TTLL2: variants seen among roughly 807,000 people sequenced by gnomAD.
The protein encoded by TTLL2 is probable tubulin polyglutamylase TTLL2.
TTLL2 carries 10 observed loss-of-function variants against 7.5 expected under a neutral mutation model. The ratio of observed to expected loss-of-function variants is 1.33; its 90% CI spans 0.82 to 2.25. The LOEUF is 2.25. Ranked by LOEUF, TTLL2 falls within the 30% of genes most tolerant of loss-of-function variation. The pLI is 0.00. For synonymous variants in TTLL2, 284 were observed against 280.3 expected (o/e 1.01, Z -0.13); for missense variants, 733 against 735.7 (o/e 1.00, Z 0.04).
At chr6:167,330,631 G>A (rs1562370091) in intron 1 of TTLL2, among the ~76,000 whole-genome samples, 1 of 152,104 alleles carries the variant, frequency 6.6e-6, no homozygotes, top group Non-Finnish European at 1.5e-5. Context: ...TTAATGTAAA[G>A]GAAAAGATCT....
At chr6:167,331,211 T>C (rs58659357) in intron 1 of TTLL2, among the ~76,000 whole-genome samples, 3,231 of 152,316 alleles carry the variant, frequency 0.021, 130 homozygotes, top group African/African-American at 0.074. Context: ...ATCAGAGTAA[T>C]TAGCATATCT....
At chr6:167,335,475 A>G (rs1778973004) in intron 1 of TTLL2, among the ~76,000 whole-genome samples, 1 of 145,598 alleles carries the variant, frequency 6.9e-6, no homozygotes, top group Non-Finnish European at 1.5e-5. Context: ...TACTGGGTAT[A>G]TACCCAAATG....
At position 167,325,135 on chromosome 6, in the gene TTLL2, A is replaced by T; in HGVS notation, c.-39A>T. The stretch of plus-strand genomic sequence containing the variant: ...TTTCAGCTGGCGCTGCAGCTGCTGC[A>T]CAGAGACCCACAGAGGCCACCCTCG... On this transcript the variant is annotated 5_prime_UTR_variant, in exon 1 of 3. Transcript: ENST00000239587. 1.3e-6 allele frequency: 2 copies of T among 1,560,428 alleles called. No individual in the cohort carries two copies. Among genetic ancestry groups the T allele is most frequent in the Non-Finnish European group, 1.7e-6 (2 of 1,153,774 alleles).
In TTLL2 at chr6:167,341,859, A is replaced by AAGT; in HGVS notation, c.*181_*183dup. On this transcript the variant is annotated 3_prime_UTR_variant, in exon 3 of 3. Transcript: ENST00000239587. ...AGCTCTGACAAAGCACAATATGTTC[A>AAGT]AGTGGTGATTAAACTACATTACATC... The AAGT allele has an allele frequency of 1.5e-6, 1 of 664,676 alleles. No homozygotes were observed. The highest frequency in any genetic ancestry group is 2.1e-5 in the South Asian group (1 of 46,534). The allele number at this position is 664,676 out of a possible 1,614,324, so 41.2% of individuals were successfully genotyped here.
chr6:167,341,196 T>C lies in TTLL2; in HGVS notation c.1296T>C (p.His432=), dbSNP rs1779088106. The C allele has an allele frequency of 6.2e-7, 1 of 1,613,510 alleles. No homozygotes were observed. Among genetic ancestry groups the C allele is most frequent in the Admixed American group, 1.7e-5 (1 of 59,934 alleles). The change falls in exon 3 of 3, where the codon CAT becomes CAC. Residue 432 remains histidine (H), a synonymous_variant. Coordinates refer to ENST00000239587, the MANE Select transcript of TTLL2 (RefSeq NM_031949.5). ...GGAGAGAAGCCAGTAATGCCACACA[T>C]GGAAATTCCAACATCGACGCTGCAA... ...NEGREASNAT[H]GNSNIDAAKS...
chr6:167,331,684 G>A lies in TTLL2; in HGVS notation c.47+6464G>A, dbSNP rs182650829. ...ATATTTGAGTCCTTCTGGATAGGTA[G>A]ACAAGATTGAAACCCCAACTTAGGA... On this transcript the variant is annotated intron_variant, in intron 1 of 2. Transcript: ENST00000239587. Among the ~76,000 whole-genome samples, 12 of 152,278 alleles carry A rather than the reference G, an allele frequency of 7.9e-5. No individual in the cohort carries two copies. In the East Asian group the frequency reaches 1.4e-3, roughly 17 times the overall value.
intron 1 of TTLL2, among the ~76,000 whole-genome samples, chr6:167,338,029 C>A (rs1215194628): frequency 6.6e-6 from 1 of 151,316 alleles, no homozygotes; most frequent in Non-Finnish European, 1.5e-5. Context: ...TACAACACAC[C>A]ACATGCAATA....
chr6:167,325,943 C>T (rs773359092), intron 1 of TTLL2, among the ~76,000 whole-genome samples: 2 of 152,132 alleles, frequency 1.3e-5, no homozygotes, highest in Admixed American at 6.5e-5. Context: ...TGTGACAGGC[C>T]GAACAGCGGC....
At chr6:167,337,249 G>C (rs1437397377) in intron 1 of TTLL2, among the ~76,000 whole-genome samples, 1 of 152,126 alleles carries the variant, frequency 6.6e-6, no homozygotes, top group East Asian at 1.9e-4. Flanking sequence ...CACTCCAATG[G>C]GAAGGCAGAT....
chr6:167,335,901 G>T (rs1202091738), intron 1 of TTLL2, among the ~76,000 whole-genome samples: 22 of 149,618 alleles, frequency 1.5e-4, no homozygotes, highest in African/African-American at 5.2e-4. Context: ...CAGCGCACCA[G>T]CATGGCACAT....
At position 167,340,626 on chromosome 6, in the gene TTLL2, T is replaced by C. The variant is rs774062144; in HGVS notation, c.726T>C (p.Tyr242=). 15 of 1,614,206 alleles carry C rather than the reference T, an allele frequency of 9.3e-6. No individual in the cohort carries two copies. In the South Asian group the frequency reaches 1.1e-4, roughly 12 times the overall value. ...IFDDMYIVQK[Y]ISNPLLIGRY... is the part of the protein sequence containing the mutation. ...ATGATATGTACATAGTGCAGAAATA[T>C]ATCTCCAATCCTTTACTTATTGGCA... Residue 242 remains tyrosine (Y), a synonymous_variant, in exon 3 of 3, where the codon TAT becomes TAC. Coordinates refer to ENST00000239587, the MANE Select transcript of TTLL2 (RefSeq NM_031949.5).
intron 1 of TTLL2, among the ~76,000 whole-genome samples, chr6:167,334,304 G>C (rs968080047): frequency 4.0e-5 from 6 of 148,312 alleles, no homozygotes. Flanking sequence ...TGTGGTCTGA[G>C]AGATAGTTTG....
chr6:167,341,226 TG>T lies in TTLL2; in HGVS notation c.1327del (p.Asp443ThrfsTer34). On this transcript the variant is annotated frameshift_variant, in exon 3 of 3. Coordinates refer to ENST00000239587, the MANE Select transcript of TTLL2 (RefSeq NM_031949.5). LOFTEE classifies it low-confidence loss of function (END_TRUNC). ...ATTCCAACATCGACGCTGCAAAAAG[TG>T]ACAGAGGTGGGCTTGATGCTCCTGA... is the stretch of plus-strand genomic sequence containing the variant. ...GNSNIDAAKS[D>X]RGGLDAPDCL... 6.2e-7 allele frequency: 1 copy of T among 1,613,632 alleles called. No individual in the cohort carries two copies. Among genetic ancestry groups the T allele is most frequent in the Non-Finnish European group, 8.5e-7 (1 of 1,179,968 alleles).
At position 167,341,768 on chromosome 6, in the gene TTLL2, C is replaced by T; in HGVS notation, c.*89C>T. The T allele has an allele frequency of 5.9e-6, 8 of 1,354,004 alleles. No homozygotes were observed. Among genetic ancestry groups the T allele is most frequent in the Non-Finnish European group, 7.8e-6 (8 of 1,019,352 alleles). The allele number at this position is 1,354,004 out of a possible 1,614,324, so 83.9% of individuals were successfully genotyped here. ...GAGAAAGCAATAGTTCAAGTCCCTA[C>T]CTGTGCCACCAGCATGTTAACTATG... On this transcript the variant is annotated 3_prime_UTR_variant, in exon 3 of 3. Transcript: ENST00000239587.
rs1779087656 is a variant in TTLL2 at position 167,341,186 on chromosome 6, A to G, written c.1286A>G (p.Asn429Ser). The G allele has an allele frequency of 6.2e-7, 1 of 1,613,708 alleles. No homozygotes were observed. The highest frequency in any genetic ancestry group is 1.1e-5 in the South Asian group (1 of 91,060). ...GLRNEGREAS[N>S]ATHGNSNIDA... The stretch of plus-strand genomic sequence containing the variant: ...AGAAATGAGGGGAGAGAAGCCAGTA[A>G]TGCCACACATGGAAATTCCAACATC... Residue 429 changes from asparagine to serine, a missense_variant, in exon 3 of 3, where the codon AAT becomes AGT. Physicochemically the swap from Asn to Ser is conservative, Grantham distance 46. Transcript: ENST00000239587.
At chr6:167,338,111 A>G (rs1345723353) in intron 1 of TTLL2, among the ~76,000 whole-genome samples, 4 of 151,832 alleles carry the variant, frequency 2.6e-5, no homozygotes, top group Non-Finnish European at 5.9e-5. Context: ...GCAACACACG[A>G]CACACATACA....
intron 1 of TTLL2, 88 bp from the exon 2 acceptor site, chr6:167,338,559 G>T (rs1485620157): frequency 2.0e-6 from 3 of 1,467,498 alleles, no homozygotes; most frequent in Non-Finnish European, 2.7e-6. Flanking sequence ...TAACCATGAT[G>T]GATTGATCAA....
chr6:167,341,660 T>C lies in TTLL2; in HGVS notation c.1760T>C (p.Met587Thr), dbSNP rs149701744. ...ATAATCCAAGAGCTCCAGAAACTAATGAATAAGCAACATTCCTAAGTGGTA... is the reference window on the plus strand; with the variant it reads ...ATAATCCAAGAGCTCCAGAAACTAACGAATAAGCAACATTCCTAAGTGGTA... ...KRIIQELQKLMNKQHS is the reference protein window; with the variant it reads ...KRIIQELQKLTNKQHS Residue 587 changes from methionine to threonine, a missense_variant, in exon 3 of 3, where the codon ATG becomes ACG. Met to Thr is a moderately conservative substitution (Grantham distance 81, BLOSUM62 -1). Coordinates refer to ENST00000239587, the MANE Select transcript of TTLL2 (RefSeq NM_031949.5). The C allele has an allele frequency of 3.4e-3, 5,536 of 1,607,218 alleles. 27 individuals are homozygous for C. Among genetic ancestry groups the C allele is most frequent in the Middle Eastern group, 0.013 (76 of 6,014 alleles).
rs758470953 is a variant in TTLL2, at chr6:167,338,823, A to AGTTC, written c.204+21_204+24dup. ...AAGAAGGTGGGTGGGCAAGCCAGGT[A>AGTTC]GTTCCTTCCTTCCTTCCTTCCTTCC... On this transcript the variant is annotated intron_variant, in intron 2 of 2. Coordinates refer to ENST00000239587, the MANE Select transcript of TTLL2 (RefSeq NM_031949.5). 14 of 829,428 alleles carry AGTTC rather than the reference A, an allele frequency of 1.7e-5. No homozygotes were observed. The East Asian group carries it at 3.5e-4, about 21-fold the overall frequency. 51.4% of individuals were successfully genotyped at this position (829,428 alleles called of 1,614,324 possible).
Sources: allele counts gnomAD v4.1 joint callset (sites outside exome capture counted in the v4.1 genomes callset), GRCh38; gene constraint gnomAD v4.1.1; transcripts MANE v1.5; gene names NCBI Gene and HGNC (gene_info 2026-07-23, HGNC 2026-07-21).